Variants in PXYLP1 observed in about 807,000 individuals in gnomAD.
PXYLP1 encodes 2-phosphoxylose phosphatase 1.
PXYLP1 carries 17 observed loss-of-function variants against 37.9 expected under a neutral mutation model. The observed-to-expected ratio is 0.45, with a 90% confidence interval of 0.31 to 0.67. PXYLP1 has a LOEUF of 0.67. Among genes scored for constraint, PXYLP1 ranks in the 30% least tolerant of loss-of-function variants. The pLI, the probability that PXYLP1 is intolerant of heterozygous loss-of-function variation, is 0.07. For missense variants in PXYLP1, 511 were observed against 612.0 expected, an observed-to-expected ratio of 0.84 and a Z score of 1.74; for synonymous variants, 221 against 232.2, an observed-to-expected ratio of 0.95 and a Z score of 0.44.
At chr3:141,277,065 G>A (rs1260477250) in intron 2 of PXYLP1, among the ~76,000 whole-genome samples, 1 of 151,954 alleles carries the variant, frequency 6.6e-6, no homozygotes, top group Non-Finnish European at 1.5e-5. Flanking sequence ...GTCTCTTATG[G>A]ACTTTGGATA....
At chr3:141,264,561 G>A (rs1941463728) in intron 2 of PXYLP1, among the ~76,000 whole-genome samples, 1 of 152,206 alleles carries the variant, frequency 6.6e-6, no homozygotes, top group Non-Finnish European at 1.5e-5. Flanking sequence ...CGGGCTGAGA[G>A]TTTAATCCCT....
chr3:141,264,907 G>A (rs1202071988), intron 2 of PXYLP1, among the ~76,000 whole-genome samples: 1 of 152,172 alleles, frequency 6.6e-6, no homozygotes, highest in Non-Finnish European at 1.5e-5. Context: ...TAATCACTAC[G>A]TATGTGTTTG....
At chr3:141,253,082 G>A (rs1176060299) in intron 1 of PXYLP1, among the ~76,000 whole-genome samples, 1 of 152,170 alleles carries the variant, frequency 6.6e-6, no homozygotes, top group Admixed American at 6.5e-5. Flanking sequence ...GCCTGGTGGT[G>A]TGGATCCTGC....
chr3:141,256,352 A>G lies in PXYLP1; in HGVS notation c.-53-3771A>G, dbSNP rs146465465. Among the ~76,000 whole-genome samples the G allele has an allele frequency of 2.9e-3, 435 of 152,348 alleles. 2 individuals are homozygous for G. The highest frequency in any genetic ancestry group is 1.0e-2 in the African/African-American group (414 of 41,570). ...TCAAGACACACAGAAAATAAGCAGC[A>G]GAGCTAGGAATTGAACACAGATCTG... is the stretch of plus-strand genomic sequence containing the variant. On this transcript the variant is annotated intron_variant, in intron 1 of 5. Transcript: ENST00000286353.
intron 1 of PXYLP1, among the ~76,000 whole-genome samples, chr3:141,232,882 G>T (rs9876155): frequency 0.032 from 4,818 of 152,254 alleles, 114 homozygotes; most frequent in Non-Finnish European, 0.054. Flanking sequence ...CAGTGTCTTT[G>T]TGGAAAGGCA....
At chr3:141,238,611 CAG>C (rs1167734831) in intron 1 of PXYLP1, among the ~76,000 whole-genome samples, 1 of 152,176 alleles carries the variant, frequency 6.6e-6, no homozygotes, top group African/African-American at 2.4e-5. Context: ...TTGAACAACT[CAG>C]GGGTTAGGAG....
chr3:141,294,211 TA>T lies in PXYLP1; in HGVS notation c.*1007del, dbSNP rs1942299014. ...TCTAAGACCAGTTTTAGATGACTCTTATTCCTGTAGTAATATTCAATTTGCT... is the reference window on the plus strand; with the variant it reads ...TCTAAGACCAGTTTTAGATGACTCTTTTCCTGTAGTAATATTCAATTTGCT... On this transcript the variant is annotated 3_prime_UTR_variant, in exon 6 of 6. Transcript: ENST00000286353. 6.6e-6 allele frequency: 1 copy of T among 152,252 alleles called. No individual in the cohort carries two copies. Among genetic ancestry groups the T allele is most frequent in the South Asian group, 2.1e-4 (1 of 4,836 alleles). 9.4% of individuals were successfully genotyped at this position (152,252 alleles called of 1,614,324 possible). A position where few individuals can be genotyped will look rare whatever the true frequency, so the allele number is the denominator to read the frequency against.
chr3:141,292,349 C>G lies in PXYLP1; in HGVS notation c.587C>G (p.Ser196Cys). The G allele has an allele frequency of 6.2e-7, 1 of 1,614,136 alleles. No individual in the cohort carries two copies. The highest frequency in any genetic ancestry group is 1.1e-5 in the South Asian group (1 of 91,072). ...KKHKLLPNDW[S>C]ADQLYLETTG... ...CACAAACTCCTGCCCAATGATTGGT[C>G]TGCAGACCAGCTCTATTTAGAGACC... The change falls in exon 6 of 6, where the codon TCT becomes TGT. Residue 196 changes from serine to cysteine, a missense_variant. Coordinates refer to ENST00000286353, the MANE Select transcript of PXYLP1 (RefSeq NM_001037172.3). The surrounding 1 kb of genome is among the most constrained non-coding windows in gnomAD (Gnocchi z 4.3).
intron 1 of PXYLP1, among the ~76,000 whole-genome samples, chr3:141,258,962 G>A (rs986882662): frequency 3.9e-5 from 6 of 152,180 alleles, no homozygotes; most frequent in African/African-American, 1.4e-4. Context: ...AGTCTGACAG[G>A]TCGCTTAAAC....
intron 2 of PXYLP1, among the ~76,000 whole-genome samples, chr3:141,269,313 G>T (rs1559889503): frequency 1.3e-5 from 2 of 152,356 alleles, no homozygotes; most frequent in East Asian, 3.9e-4. Flanking sequence ...AGCAGGGACA[G>T]AAGCACATGT....
At chr3:141,273,736 A>T (rs1941723225) in intron 2 of PXYLP1, 1 of 985,288 alleles carries the variant, frequency 1.0e-6, no homozygotes, top group African/African-American at 1.7e-5. Flanking sequence ...ATGAGCAGAG[A>T]ACACCGCCAT....
intron 1 of PXYLP1, among the ~76,000 whole-genome samples, chr3:141,241,695 T>C (rs1940805180): frequency 6.6e-6 from 1 of 152,246 alleles, no homozygotes; most frequent in Non-Finnish European, 1.5e-5. Flanking sequence ...CCAACACTGC[T>C]GTGCCATGGG....
intron 5 of PXYLP1, among the ~76,000 whole-genome samples, chr3:141,290,114 A>G (rs1037759541): frequency 1.3e-5 from 2 of 152,198 alleles, no homozygotes; most frequent in South Asian, 2.1e-4. Context: ...ACGGCACCCT[A>G]CAGTAACTAT....
At position 141,260,220 on chromosome 3, in the gene PXYLP1, G is replaced by A. The variant is rs368779850; in HGVS notation, c.45G>A (p.Ala15=). 177 of 1,613,340 alleles carry A rather than the reference G, an allele frequency of 1.1e-4. No individual in the cohort carries two copies. The highest frequency in any genetic ancestry group is 1.3e-4 in the Non-Finnish European group (157 of 1,180,036). ...TCTTGCTGCTGCTGGCCCTGGCTGC[G>A]CTGCTGGCCTTTGTGAGCCTCAGCC... ...NRFLLLLALA[A]LLAFVSLSLQ... is the part of the protein sequence containing the mutation. The change falls in exon 2 of 6, where the codon GCG becomes GCA. Residue 15 remains alanine, a synonymous_variant. Coordinates refer to ENST00000286353, the MANE Select transcript of PXYLP1 (RefSeq NM_001037172.3).
intron 3 of PXYLP1, among the ~76,000 whole-genome samples, chr3:141,279,064 G>T (rs975005947): frequency 6.6e-6 from 1 of 152,160 alleles, no homozygotes. Context: ...TCTCTCCCTG[G>T]TCTGTGCATG....
At chr3:141,280,056 G>C (rs1941910631) in intron 4 of PXYLP1, among the ~76,000 whole-genome samples, 1 of 152,198 alleles carries the variant, frequency 6.6e-6, no homozygotes, top group African/African-American at 2.4e-5. Flanking sequence ...AAGCCCTTAG[G>C]ATGAAAAATA....
rs1941430820 is a variant in PXYLP1, at chr3:141,263,113, G to A, written c.79+2859G>A. ...ATGTTTTGAATGTGAAGAAGAAATA[G>A]CCCAGGTTACGATTCAAAAATCAGA... On this transcript the variant is annotated intron_variant, in intron 2 of 5. Coordinates refer to ENST00000286353, the MANE Select transcript of PXYLP1 (RefSeq NM_001037172.3). Among the ~76,000 whole-genome samples, 3 of 152,172 alleles carry A rather than the reference G, an allele frequency of 2.0e-5. No homozygotes were observed. In the South Asian group the frequency reaches 6.2e-4, roughly 32 times the overall value.
intron 1 of PXYLP1, among the ~76,000 whole-genome samples, chr3:141,251,975 A>G (rs1254224772): frequency 1.3e-5 from 2 of 152,192 alleles, no homozygotes; most frequent in Admixed American, 6.5e-5. Flanking sequence ...CATGTTCCTT[A>G]CATATCTTAA....
rs758541080 is a variant in PXYLP1 at position 141,292,834 on chromosome 3, G to A, written c.1072G>A (p.Gly358Ser). 18 of 1,613,686 alleles carry A rather than the reference G, an allele frequency of 1.1e-5. No homozygotes were observed. Among genetic ancestry groups the A allele is most frequent in the Admixed American group, 1.0e-4 (6 of 59,954 alleles). ...GAHPILNQTI[G>S]RMQRATEGRK... ...CCACCCCATCCTGAACCAAACCATC[G>A]GCCGGATGCAGCGTGCCACCGAGGG... is the stretch of plus-strand genomic sequence containing the variant. The change falls in exon 6 of 6, where the codon GGC (glycine) becomes AGC (serine). Residue 358 changes from glycine (G) to serine (S), a missense_variant. Coordinates refer to ENST00000286353, the MANE Select transcript of PXYLP1 (RefSeq NM_001037172.3). This position sits in a 1 kb window ranked among gnomAD's most constrained non-coding sequence, Gnocchi z 4.3.
Sources: allele counts gnomAD v4.1 joint callset (sites outside exome capture counted in the v4.1 genomes callset), GRCh38; gene constraint gnomAD v4.1.1; non-coding constraint Gnocchi (gnomAD v3.1); transcripts MANE v1.5; gene names NCBI Gene and HGNC (gene_info 2026-07-23, HGNC 2026-07-21).